The following DGKB variants were observed in gnomAD, a reference collection of about 807,000 sequenced individuals.
The protein encoded by DGKB is 90 kDa diacylglycerol kinase.
A neutral mutation model predicts 114.3 loss-of-function variants in DGKB; 67 were observed. The observed-to-expected ratio is 0.59, with a 90% CI of 0.48 to 0.72. DGKB has a LOEUF of 0.72. Ranked by LOEUF, DGKB falls within the 30% of genes least tolerant of loss-of-function variation. The pLI, the probability that DGKB is intolerant of heterozygous loss-of-function variation, is 0.00. For synonymous variants in DGKB, 398 were observed against 323.1 expected, an observed-to-expected ratio of 1.23 and a Z score of -2.49; for missense variants, 907 against 975.2, an observed-to-expected ratio of 0.93 and a Z score of 0.93.
intron 23 of DGKB, among the ~76,000 whole-genome samples, chr7:14,250,270 C>A (rs1290258345): frequency 6.6e-6 from 1 of 151,650 alleles, no homozygotes; most frequent in East Asian, 1.9e-4. Flanking sequence ...TGCCTGGTTT[C>A]TTTTCTTAAT....
At chr7:14,464,716 A>G (rs939149527) in intron 21 of DGKB, among the ~76,000 whole-genome samples, 1 of 152,242 alleles carries the variant, frequency 6.6e-6, no homozygotes, top group South Asian at 2.1e-4. Flanking sequence ...GATGAGGATC[A>G]TAGAAATTCA....
At chr7:14,151,995 C>A (rs894627307) in intron 25 of DGKB, among the ~76,000 whole-genome samples, 10 of 151,914 alleles carry the variant, frequency 6.6e-5, no homozygotes, top group Non-Finnish European at 1.5e-4. Context: ...TGCAGAGACT[C>A]AAGTGAACCC....
chr7:14,704,212 G>C (rs948393620), intron 6 of DGKB, among the ~76,000 whole-genome samples: 1 of 150,948 alleles, frequency 6.6e-6, no homozygotes, highest in African/African-American at 2.4e-5. Flanking sequence ...GAGGCAGGTG[G>C]ATCACGAGGT....
chr7:14,553,057 C>G lies in DGKB; in HGVS notation c.1770+21155G>C, dbSNP rs925807222. Among the ~76,000 whole-genome samples, 10 of 152,194 alleles carry G rather than the reference C, an allele frequency of 6.6e-5. 1 individual carries two copies. Among genetic ancestry groups the G allele is most frequent in the Admixed American group, 3.9e-4 (6 of 15,286 alleles). On this transcript the variant is annotated intron_variant, in intron 20 of 25. Transcript: ENST00000402815. The stretch of plus-strand genomic sequence containing the variant: ...AAAGATAAAGTCAAATGTTAAGAAG[C>G]AAATGGGAAGAACAATACATGAACC...
chr7:14,466,820 T>A (rs534936667), intron 21 of DGKB, among the ~76,000 whole-genome samples: 1 of 152,080 alleles, frequency 6.6e-6, no homozygotes, highest in South Asian at 2.1e-4. Flanking sequence ...CGTCTCAAAA[T>A]AAATAAATAG....
intron 20 of DGKB, among the ~76,000 whole-genome samples, chr7:14,507,608 T>C (rs954842490): frequency 3.3e-5 from 5 of 152,224 alleles, no homozygotes; most frequent in African/African-American, 1.2e-4. Flanking sequence ...TTCCATTTCT[T>C]CTTTCACCCT....
At chr7:14,438,741 G>A (rs1233437062) in intron 21 of DGKB, among the ~76,000 whole-genome samples, 1 of 152,096 alleles carries the variant, frequency 6.6e-6, no homozygotes, top group African/African-American at 2.4e-5. Context: ...CTTAGTAAGT[G>A]TTGGCAGCAA....
chr7:14,157,931 A>C (rs1003247021), intron 25 of DGKB, among the ~76,000 whole-genome samples: 3 of 152,322 alleles, frequency 2.0e-5, no homozygotes, highest in Non-Finnish European at 4.4e-5. Context: ...TTTCTTACTG[A>C]GTAATATTTC....
At chr7:14,586,036 G>C (rs752594641) in intron 17 of DGKB, among the ~76,000 whole-genome samples, 1 of 152,050 alleles carries the variant, frequency 6.6e-6, no homozygotes, top group Non-Finnish European at 1.5e-5. Flanking sequence ...TGTCCTCTAA[G>C]TGTTCAAGTG....
intron 5 of DGKB, among the ~76,000 whole-genome samples, chr7:14,731,106 C>T (rs971442192): frequency 5.9e-5 from 9 of 152,076 alleles, no homozygotes; most frequent in Admixed American, 3.3e-4. Context: ...TGGGAAGTGA[C>T]GCAGCGGAAG....
At chr7:14,210,925 A>T (rs1332484433) in intron 23 of DGKB, among the ~76,000 whole-genome samples, 1 of 150,836 alleles carries the variant, frequency 6.6e-6, no homozygotes, top group Non-Finnish European at 1.5e-5. Flanking sequence ...TTTTGCATGC[A>T]CTCCCCCTCT....
intron 23 of DGKB, among the ~76,000 whole-genome samples, chr7:14,294,119 T>C (rs1249437334): frequency 6.6e-6 from 1 of 152,138 alleles, no homozygotes; most frequent in African/African-American, 2.4e-5. Flanking sequence ...GCATGGCTCA[T>C]GGCCCCCTTC....
At chr7:14,696,476 T>C (rs1181690709) in intron 8 of DGKB, among the ~76,000 whole-genome samples, 1 of 115,692 alleles carries the variant, frequency 8.6e-6, no homozygotes, top group East Asian at 2.8e-4. Flanking sequence ...CAGTCCGGCC[T>C]GGGCGACAGA....
At chr7:14,825,514 A>C (rs1015996860) in intron 2 of DGKB, among the ~76,000 whole-genome samples, 1 of 152,102 alleles carries the variant, frequency 6.6e-6, no homozygotes, top group Non-Finnish European at 1.5e-5. Flanking sequence ...TTGCATGTGC[A>C]GTTTACAATA....
At chr7:14,837,837 A>T (rs1056421065) in intron 2 of DGKB, among the ~76,000 whole-genome samples, 2 of 152,208 alleles carry the variant, frequency 1.3e-5, no homozygotes, top group South Asian at 4.1e-4. Flanking sequence ...ATAGGTTCTA[A>T]TCATGATATT....
chr7:14,743,527 G>A (rs1203375201), intron 4 of DGKB, among the ~76,000 whole-genome samples: 1 of 152,086 alleles, frequency 6.6e-6, no homozygotes, highest in Non-Finnish European at 1.5e-5. Context: ...CTAGCTTTTG[G>A]ATGCTACAGA....
chr7:14,960,035 T>G (rs940151842), intron 1 of DGKB, among the ~76,000 whole-genome samples: 5 of 152,030 alleles, frequency 3.3e-5, no homozygotes, highest in African/African-American at 1.2e-4. Flanking sequence ...GACAACTTCA[T>G]CGTCAGTCAT....
rs568796822 is a variant in DGKB at position 14,476,590 on chromosome 7, A to G, written c.1835+1571T>C. Reference sequence around the variant, plus strand: ...ATTCTGAAAATATATGTACACATATATATCCATATATGCATTTATTTCATT... The same window carrying G: ...ATTCTGAAAATATATGTACACATATGTATCCATATATGCATTTATTTCATT... On this transcript the variant is annotated intron_variant, in intron 21 of 25. Coordinates refer to ENST00000402815, the MANE Select transcript of DGKB (RefSeq NM_001350709.2). Among the ~76,000 whole-genome samples the G allele has an allele frequency of 1.7e-4, 26 of 152,270 alleles. No homozygotes were observed. The Middle Eastern group carries it at 0.014, about 80-fold the overall frequency.
chr7:14,238,388 C>T (rs1584647825), intron 23 of DGKB, among the ~76,000 whole-genome samples: 1 of 151,966 alleles, frequency 6.6e-6, no homozygotes, highest in African/African-American at 2.4e-5. Context: ...TTTCCTGAGG[C>T]CTCCCCAGCC....
Sources: gnomAD v4.1 joint callset for allele counts (sites outside exome capture counted in the v4.1 genomes callset) on GRCh38, gnomAD v4.1.1 for gene constraint, MANE v1.5 for transcripts, NCBI Gene and HGNC (gene_info 2026-07-23, HGNC 2026-07-21) for gene names.